The following ZNF727 variants were observed in gnomAD, a reference collection of about 807,000 sequenced individuals.
The protein encoded by ZNF727 is zinc finger protein 727.
A neutral mutation model predicts 11.5 loss-of-function variants in ZNF727; 11 were observed. That is an observed-to-expected ratio of 0.95 (90% CI 0.60 to 1.58). ZNF727 has a LOEUF of 1.58. Among genes scored for constraint, ZNF727 ranks in the 40% most tolerant of loss-of-function variants. ZNF727 has a pLI of 0.00. For synonymous variants in ZNF727, 171 were observed against 196.1 expected (o/e 0.87, Z 1.07); for missense variants, 533 against 581.7 (o/e 0.92, Z 0.86).
rs534342184 is a variant in ZNF727, at chr7:64,082,379, C to CTCAG, written c.*3831_*3834dup. ...GGTGTCCACTGCAGTTTCTAGTCACCTCAGATTTTCCAGTACCTGACAACA... is the reference window on the plus strand; with the variant it reads ...GGTGTCCACTGCAGTTTCTAGTCACCTCAGTCAGATTTTCCAGTACCTGACAACA... On this transcript the variant is annotated 3_prime_UTR_variant, in exon 4 of 4. Coordinates refer to ENST00000456806, the MANE Select transcript of ZNF727 (RefSeq NM_001159522.3). Among the ~76,000 whole-genome samples the CTCAG allele has an allele frequency of 3.5e-3, 539 of 152,294 alleles. 4 individuals carry two copies. The highest frequency in any genetic ancestry group is 3.3e-3 in the Admixed American group (51 of 15,296).
intron 1 of ZNF727, among the ~76,000 whole-genome samples, chr7:64,053,258 A>G (rs1393192004): frequency 1.3e-5 from 2 of 152,140 alleles, no homozygotes; most frequent in Non-Finnish European, 2.9e-5. Context: ...AGTCTTTCCC[A>G]TGCTGTTCTC....
At position 64,084,677 on chromosome 7, in the gene ZNF727, C is replaced by T. The variant is rs1785846645; in HGVS notation, c.*6128C>T. 6.6e-6 allele frequency among the ~76,000 whole-genome samples: 1 copy of T among 152,054 alleles called. No homozygotes were observed. Among genetic ancestry groups the T allele is most frequent in the Admixed American group, 6.6e-5 (1 of 15,260 alleles). On this transcript the variant is annotated 3_prime_UTR_variant, in exon 4 of 4. Transcript: ENST00000456806. ...GAACAACTATTTACAAAATTTTATC[C>T]TACTTTTTTCTGTTGAAAATATGAC...
Position 64,078,437 on chromosome 7 carries a change from GCTC to G in ZNF727, c.1392_1394del (p.Ser466del). On this transcript the variant is annotated inframe_deletion, in exon 4 of 4. Transcript: ENST00000456806. Reference sequence around the variant, plus strand: ...GAAGAATGTGGCAAAACCTTTACCTGCTCCTCAAGCCTTATTAAACACAAGAGA... The same window carrying G: ...GAAGAATGTGGCAAAACCTTTACCTGCTCAAGCCTTATTAAACACAAGAGA... 1 of 1,584,132 alleles carries G rather than the reference GCTC, an allele frequency of 6.3e-7. No individual in the cohort carries two copies. Among genetic ancestry groups the G allele is most frequent in the Non-Finnish European group, 8.6e-7 (1 of 1,164,700 alleles).
intron 3 of ZNF727, among the ~76,000 whole-genome samples, chr7:64,074,257 T>G (rs1411568564): frequency 6.6e-6 from 1 of 152,160 alleles, no homozygotes; most frequent in African/African-American, 2.4e-5. Context: ...TCCAATGGAA[T>G]TGATTCTTGA....
chr7:64,049,717 G>A (rs970646191), intron 1 of ZNF727, among the ~76,000 whole-genome samples: 15 of 151,430 alleles, frequency 9.9e-5, no homozygotes, highest in Admixed American at 7.2e-4. Flanking sequence ...AAAATATTTA[G>A]CTTAAACTTA....
rs1785748035 is a variant in ZNF727, at chr7:64,079,366, GTC to G, written c.*821_*822del. 6.6e-6 allele frequency among the ~76,000 whole-genome samples: 1 copy of G among 152,122 alleles called. No homozygotes were observed. The highest frequency in any genetic ancestry group is 2.4e-5 in the African/African-American group (1 of 41,414). On this transcript the variant is annotated 3_prime_UTR_variant, in exon 4 of 4. Coordinates refer to ENST00000456806, the MANE Select transcript of ZNF727 (RefSeq NM_001159522.3). The stretch of plus-strand genomic sequence containing the variant: ...AGAACATTTAATAACATCTTAGAGG[GTC>G]TCTAAGAACTTGCTTCATAACTGGG...
chr7:64,066,927 A>T (rs1459273750), intron 1 of ZNF727, among the ~76,000 whole-genome samples: 1 of 152,160 alleles, frequency 6.6e-6, no homozygotes, highest in Non-Finnish European at 1.5e-5. Flanking sequence ...AATATCCAGA[A>T]TCTATAAGAA....
chr7:64,068,904 T>C lies in ZNF727; in HGVS notation c.17T>C (p.Phe6Ser), dbSNP rs936453607. Residue 6 changes from phenylalanine (F) to serine (S), a missense_variant, in exon 2 of 4, where the codon TTC becomes TCC. By Grantham distance (155) the Phe-to-Ser change is radical (BLOSUM62 -2). This residue lies in a region of ZNF727 where 463 missense variants were observed against 494.5 expected (regional missense o/e 0.94). Transcript: ENST00000456806. Reference sequence around the variant, plus strand: ...TTTGTTTTTCAGCGAGTGCTAACATTCAGGGATGTGGCTGTAGAATTCTCC... The same window carrying C: ...TTTGTTTTTCAGCGAGTGCTAACATCCAGGGATGTGGCTGTAGAATTCTCC... MRVLT[F>S]RDVAVEFSPE... is the part of the protein sequence containing the mutation. 5 of 1,599,894 alleles carry C rather than the reference T, an allele frequency of 3.1e-6. No individual in the cohort carries two copies. The highest frequency in any genetic ancestry group is 4.5e-5 in the East Asian group (2 of 43,960).
intron 1 of ZNF727, among the ~76,000 whole-genome samples, chr7:64,064,162 T>G (rs532581713): frequency 1.3e-5 from 2 of 152,272 alleles, no homozygotes; most frequent in African/African-American, 4.8e-5. Flanking sequence ...AGACAAAGTC[T>G]CTTTTACTCT....
intron 1 of ZNF727, among the ~76,000 whole-genome samples, chr7:64,060,508 A>G (rs1206543617): frequency 6.6e-6 from 1 of 152,230 alleles, no homozygotes; most frequent in Non-Finnish European, 1.5e-5. Flanking sequence ...GCTTCACAGC[A>G]GAGCAATCAG....
chr7:64,075,171 A>G (rs1329389711), intron 3 of ZNF727, among the ~76,000 whole-genome samples: 1 of 152,052 alleles, frequency 6.6e-6, no homozygotes, highest in African/African-American at 2.4e-5. Flanking sequence ...ATATAATTGT[A>G]TAAATTTATT....
intron 1 of ZNF727, among the ~76,000 whole-genome samples, chr7:64,067,094 AAC>A (rs1789880870): frequency 6.6e-6 from 1 of 152,040 alleles, no homozygotes; most frequent in Non-Finnish European, 1.5e-5. Context: ...AAAGGATACA[AAC>A]AGTCACTTTT....
At chr7:64,052,167 C>T (rs1181626757) in intron 1 of ZNF727, among the ~76,000 whole-genome samples, 1 of 152,114 alleles carries the variant, frequency 6.6e-6, no homozygotes, top group Non-Finnish European at 1.5e-5. Flanking sequence ...CAAGGTGTCA[C>T]CCAAGAGTTG....
At chr7:64,047,568 A>G (rs1446334804) in intron 1 of ZNF727, among the ~76,000 whole-genome samples, 1 of 152,132 alleles carries the variant, frequency 6.6e-6, no homozygotes, top group Non-Finnish European at 1.5e-5. Context: ...GATCCAAGAT[A>G]CCCACAAGGA....
rs572616014 is a variant in ZNF727, at chr7:64,045,771, G to A, written c.3+147G>A. On this transcript the variant is annotated intron_variant, in intron 1 of 3. Coordinates refer to ENST00000456806, the MANE Select transcript of ZNF727 (RefSeq NM_001159522.3). ...CACAGTTCAGTCCTCACTTCCCTCC[G>A]TCGCAGATTAGGAGCTGAGCCTGCA... 201 of 1,068,176 alleles carry A rather than the reference G, an allele frequency of 1.9e-4. 1 individual carries two copies. In the Middle Eastern group the frequency reaches 2.1e-3, roughly 11 times the overall value. The allele number at this position is 1,068,176 out of a possible 1,614,324, so 66.2% of individuals were successfully genotyped here.
In ZNF727 at chr7:64,084,795, T is replaced by C. The variant is rs1785848852; in HGVS notation, c.*6246T>C. On this transcript the variant is annotated 3_prime_UTR_variant, in exon 4 of 4. Transcript: ENST00000456806. ...ATCACTGTAAAATAAACTTTAAGTG[T>C]AACAGATTTATAGAGAAAATATTCG... Among the ~76,000 whole-genome samples, 1 of 152,178 alleles carries C rather than the reference T, an allele frequency of 6.6e-6. No homozygotes were observed. Among genetic ancestry groups the C allele is most frequent in the African/African-American group, 2.4e-5 (1 of 41,464 alleles).
In ZNF727 at chr7:64,083,659, T is replaced by C. The variant is rs1284838456; in HGVS notation, c.*5110T>C. Among the ~76,000 whole-genome samples the C allele has an allele frequency of 1.3e-5, 2 of 152,170 alleles. No homozygotes were observed. Among genetic ancestry groups the C allele is most frequent in the Non-Finnish European group, 2.9e-5 (2 of 68,036 alleles). On this transcript the variant is annotated 3_prime_UTR_variant, in exon 4 of 4. Coordinates refer to ENST00000456806, the MANE Select transcript of ZNF727 (RefSeq NM_001159522.3). ...CTGAGGGTATCTCCTCACCCGAAGG[T>C]TGCAGAGATCTGTGGGAGAATCATG...
intron 1 of ZNF727, among the ~76,000 whole-genome samples, chr7:64,066,013 T>C (rs1789860385): frequency 6.6e-6 from 1 of 152,178 alleles, no homozygotes; most frequent in Admixed American, 6.5e-5. Context: ...TAGCTTCCAT[T>C]AAATCTGTGC....
At position 64,057,861 on chromosome 7, in the gene ZNF727, A is replaced by T. The variant is rs566903607; in HGVS notation, c.4-11030A>T. On this transcript the variant is annotated intron_variant, in intron 1 of 3. Transcript: ENST00000456806. The stretch of plus-strand genomic sequence containing the variant: ...GTTATATTCTCCTTTATTACTTAAT[A>T]AAGTATAGATTCATGGCATAATTGT... Among the ~76,000 whole-genome samples the T allele has an allele frequency of 5.9e-5, 9 of 152,280 alleles. No individual in the cohort carries two copies. The East Asian group carries it at 1.5e-3, about 26-fold the overall frequency.
Sources: gnomAD v4.1 joint callset for allele counts (sites outside exome capture counted in the v4.1 genomes callset) on GRCh38, gnomAD v4.1.1 for gene constraint, gnomAD v4.1.1 regional missense constraint, MANE v1.5 for transcripts, NCBI Gene and HGNC (gene_info 2026-07-23, HGNC 2026-07-21) for gene names.